The following AIM2 variants were observed in gnomAD, a reference collection of about 807,000 sequenced individuals.
AIM2 encodes the protein interferon-inducible protein AIM2.
Under a neutral mutation model 27.7 loss-of-function variants are expected in AIM2, and 30 were observed. That is an observed-to-expected ratio of 1.08 (90% confidence interval 0.81 to 1.47). The LOEUF is 1.47. Among genes scored for constraint, AIM2 ranks in the 40% most tolerant of loss-of-function variants. The pLI is 0.00. For missense variants in AIM2, 358 were observed against 411.3 expected (o/e 0.87, Z 1.12); for synonymous variants, 141 against 145.3 (o/e 0.97, Z 0.21).
chr1:159,099,791 A>G (rs1295341202), intron 1 of AIM2, among the ~76,000 whole-genome samples: 1 of 152,218 alleles, frequency 6.6e-6, no homozygotes, highest in East Asian at 1.9e-4. Flanking sequence ...TAAAAACAAG[A>G]TCAGTCTAAG....
At chr1:159,098,562 C>A (rs549742261) in intron 1 of AIM2, among the ~76,000 whole-genome samples, 4 of 152,070 alleles carry the variant, frequency 2.6e-5, no homozygotes, top group Non-Finnish European at 4.4e-5. Flanking sequence ...TTGTGTATTG[C>A]TGACCTAGAG....
chr1:159,069,870 C>A (rs1017499304), intron 2 of AIM2, among the ~76,000 whole-genome samples: 3 of 152,158 alleles, frequency 2.0e-5, no homozygotes, highest in Non-Finnish European at 2.9e-5. Context: ...TTCTACAAGG[C>A]CTTGCATTTT....
intron 1 of AIM2, among the ~76,000 whole-genome samples, chr1:159,092,220 G>T (rs187962447): frequency 6.6e-6 from 1 of 152,086 alleles, no homozygotes. Flanking sequence ...GCAAAACTAA[G>T]AGACTAACCA....
chr1:159,068,061 A>AG (rs1260242187), intron 3 of AIM2, among the ~76,000 whole-genome samples: 1 of 152,052 alleles, frequency 6.6e-6, no homozygotes, highest in Non-Finnish European at 1.5e-5. Context: ...ACCGAGTGTC[A>AG]GAGTCTCTGA....
At chr1:159,055,239 C>A in the AIM2 span, 1 of 168,072 alleles carries the variant, frequency 5.9e-6, no homozygotes, top group Non-Finnish European at 1.3e-5. Context: ...GTGGGGCACA[C>A]AGGCCTCAAG....
chr1:159,128,716 G>C (rs1647787464), intron 1 of AIM2, among the ~76,000 whole-genome samples: 1 of 152,136 alleles, frequency 6.6e-6, no homozygotes, highest in Non-Finnish European at 1.5e-5. Flanking sequence ...ATCATTGCTA[G>C]GGAAAATCAC....
At chr1:159,142,565 T>A (rs1241380900), upstream of AIM2, among the ~76,000 whole-genome samples, 2 of 152,202 alleles carry the variant, frequency 1.3e-5, no homozygotes, top group East Asian at 3.9e-4. Context: ...ACAGCCTTTT[T>A]CCCCAGGGCT....
chr1:159,139,844 G>T, intron 1 of AIM2, among the ~76,000 whole-genome samples: 1 of 152,140 alleles, frequency 6.6e-6, no homozygotes, highest in East Asian at 1.9e-4. Flanking sequence ...AAAGACTCTA[G>T]AAATGAGCAA....
At chr1:159,073,605 T>G in intron 1 of AIM2, 86 bp from the exon 2 acceptor site, 1 of 1,338,042 alleles carries the variant, frequency 7.5e-7, no homozygotes, top group African/African-American at 1.5e-5. Context: ...TTAATATTTT[T>G]TAAAGAAAAA....
intron 1 of AIM2, among the ~76,000 whole-genome samples, chr1:159,105,739 T>C (rs1657427393): frequency 1.3e-5 from 2 of 152,154 alleles, no homozygotes; most frequent in Non-Finnish European, 2.9e-5. Context: ...GTAGTCCCGA[T>C]GTCTATGTGA....
At chr1:159,128,797 C>T (rs2102047671) in intron 1 of AIM2, among the ~76,000 whole-genome samples, 1 of 152,254 alleles carries the variant, frequency 6.6e-6, no homozygotes, top group African/African-American at 2.4e-5. Context: ...ATTTCCTAGT[C>T]AGCTCACTCT....
intron 2 of AIM2, 25 bp downstream of exon 2, chr1:159,073,213 G>A: frequency 6.2e-7 from 1 of 1,612,822 alleles, no homozygotes; most frequent in South Asian, 1.1e-5. Context: ...AAAGGGACGG[G>A]GCAGGTGTGG....
chr1:159,138,632 T>C (rs563146972), intron 1 of AIM2, among the ~76,000 whole-genome samples: 3 of 152,334 alleles, frequency 2.0e-5, no homozygotes, highest in South Asian at 2.1e-4. Flanking sequence ...GGGTGCTTGA[T>C]GAATATTTGT....
chr1:159,061,278 T>G (rs1362664175), downstream of AIM2, among the ~76,000 whole-genome samples: 3 of 152,172 alleles, frequency 2.0e-5, no homozygotes, highest in Non-Finnish European at 4.4e-5. Context: ...TTATGTTGAG[T>G]GTATTTTTAT....
intron 1 of AIM2, among the ~76,000 whole-genome samples, chr1:159,096,746 C>G (rs1052502751): frequency 6.6e-6 from 1 of 151,994 alleles, no homozygotes; most frequent in Non-Finnish European, 1.5e-5. Flanking sequence ...ATGCCTGTAA[C>G]TATTTGTAGG....
chr1:159,095,644 A>G (rs1171835271), intron 1 of AIM2, among the ~76,000 whole-genome samples: 1 of 152,212 alleles, frequency 6.6e-6, no homozygotes, highest in Non-Finnish European at 1.5e-5. Flanking sequence ...GTAAATTAAG[A>G]ATTTTAAGGT....
At chr1:159,122,586 A>C (rs1416305810) in intron 1 of AIM2, among the ~76,000 whole-genome samples, 1 of 152,184 alleles carries the variant, frequency 6.6e-6, no homozygotes, top group Admixed American at 6.5e-5. Context: ...TACTTGGGAC[A>C]CAGTCCTGGG....
In AIM2 at chr1:159,118,288, T is replaced by C. The variant is rs535505632; in HGVS notation, c.-16+22143A>G. Among the ~76,000 whole-genome samples, 6 of 152,356 alleles carry C rather than the reference T, an allele frequency of 3.9e-5. No homozygotes were observed. The East Asian group carries it at 1.2e-3, about 29-fold the overall frequency. On this transcript the variant is annotated intron_variant, in intron 1 of 2. Coordinates refer to the AIM2 transcript ENST00000368129. ...GTTTTGTATCCCCTTGACATGGGCA[T>C]GTTAAAGAGTCTCAAACAACAGCTT...
At chr1:159,093,539 G>A (rs997335061) in intron 1 of AIM2, among the ~76,000 whole-genome samples, 2 of 151,994 alleles carry the variant, frequency 1.3e-5, no homozygotes, top group Non-Finnish European at 2.9e-5. Context: ...GCCAAAAAAC[G>A]GGGAAACCTG....
Sources: allele counts gnomAD v4.1 joint callset (sites outside exome capture counted in the v4.1 genomes callset), GRCh38; gene constraint gnomAD v4.1.1; transcripts MANE v1.5; gene names NCBI Gene and HGNC (gene_info 2026-07-23, HGNC 2026-07-21).